TMEM132D: variants seen among roughly 807,000 people sequenced by gnomAD.
The protein encoded by TMEM132D is mature OL transmembrane protein.
Under a neutral mutation model 62.3 loss-of-function variants are expected in TMEM132D, and 21 were observed. That is an observed-to-expected ratio of 0.34 (90% CI 0.24 to 0.49). The LOEUF (loss-of-function observed/expected upper bound fraction) is 0.49, where lower values mean the gene tolerates loss of function less well. Ranked by LOEUF, TMEM132D falls within the 20% of genes least tolerant of loss-of-function variation. The pLI, the probability that TMEM132D is intolerant of heterozygous loss-of-function variation, is 0.99. For synonymous variants in TMEM132D, 621 were observed against 575.6 expected (o/e 1.08, Z -1.13); for missense variants, 1,346 against 1,402.8 (o/e 0.96, Z 0.65).
intron 5 of TMEM132D, among the ~76,000 whole-genome samples, chr12:129,144,095 C>A (rs1876822260): frequency 6.6e-6 from 1 of 152,094 alleles, no homozygotes; most frequent in Non-Finnish European, 1.5e-5. Flanking sequence ...TCCTCCCCCA[C>A]TTCTAGCCCT....
chr12:129,232,558 C>A (rs1402662277), intron 4 of TMEM132D, among the ~76,000 whole-genome samples: 1 of 152,040 alleles, frequency 6.6e-6, no homozygotes, highest in Non-Finnish European at 1.5e-5. Flanking sequence ...CAGAGCATGG[C>A]CTCATAGCTC....
chr12:129,512,014 C>T (rs555692459), intron 3 of TMEM132D, among the ~76,000 whole-genome samples: 28 of 152,282 alleles, frequency 1.8e-4, no homozygotes, highest in Admixed American at 1.8e-3. Flanking sequence ...TGCATGTAAG[C>T]TCTATGAAAT....
At chr12:129,456,317 C>T (rs952671682) in intron 3 of TMEM132D, among the ~76,000 whole-genome samples, 1 of 152,124 alleles carries the variant, frequency 6.6e-6, no homozygotes, top group Non-Finnish European at 1.5e-5. Context: ...CTGTTACCAC[C>T]AATTTTATCA....
At chr12:129,319,980 T>A (rs1198282685) in intron 4 of TMEM132D, among the ~76,000 whole-genome samples, 1 of 152,196 alleles carries the variant, frequency 6.6e-6, no homozygotes, top group African/African-American at 2.4e-5. Flanking sequence ...CAAATTTAAC[T>A]CTCAGGCTCA....
chr12:129,190,076 T>G (rs1593290446), intron 5 of TMEM132D, among the ~76,000 whole-genome samples: 1 of 148,460 alleles, frequency 6.7e-6, no homozygotes, highest in Non-Finnish European at 1.5e-5. Context: ...GGCCTGCAGA[T>G]GGAGGAAGGG....
chr12:129,817,318 G>C (rs1211172615), intron 1 of TMEM132D, among the ~76,000 whole-genome samples: 1 of 152,210 alleles, frequency 6.6e-6, no homozygotes, highest in Non-Finnish European at 1.5e-5. Flanking sequence ...CTGAGCATTT[G>C]ACCAGGTCCA....
chr12:129,130,843 G>A (rs1407766659), intron 5 of TMEM132D, among the ~76,000 whole-genome samples: 3 of 152,142 alleles, frequency 2.0e-5, no homozygotes, highest in Admixed American at 1.3e-4. Flanking sequence ...TGCATGCTTC[G>A]ATGCTGACCA....
In TMEM132D at chr12:129,190,089, T is replaced by C. The variant is rs1435982849; in HGVS notation, c.1443+19431A>G. Among the ~76,000 whole-genome samples the C allele has an allele frequency of 2.8e-5, 3 of 105,648 alleles. 1 individual carries two copies. The highest frequency in any genetic ancestry group is 2.0e-4 in the Admixed American group (2 of 9,780). The allele number at this position is 105,648 out of a possible 152,430, so 69.3% of individuals were successfully genotyped here. On this transcript the variant is annotated intron_variant, in intron 5 of 8. Transcript: ENST00000422113. ...ACGGCCTGCAGATGGAGGAAGGGAGTCTCAGGCTTGCAGATGGAGGGAGGG... is the reference window on the plus strand; with the variant it reads ...ACGGCCTGCAGATGGAGGAAGGGAGCCTCAGGCTTGCAGATGGAGGGAGGG...
intron 3 of TMEM132D, among the ~76,000 whole-genome samples, chr12:129,375,609 G>C (rs1870759759): frequency 6.6e-6 from 1 of 152,160 alleles, no homozygotes; most frequent in Admixed American, 6.5e-5. Context: ...GAGATTTGTG[G>C]AGTAAGTATG....
chr12:129,292,672 T>C (rs1297636296), intron 4 of TMEM132D, among the ~76,000 whole-genome samples: 1 of 152,202 alleles, frequency 6.6e-6, no homozygotes, highest in Non-Finnish European at 1.5e-5. Flanking sequence ...GAAAGTGCAA[T>C]TGATAATATT....
intron 1 of TMEM132D, among the ~76,000 whole-genome samples, chr12:129,805,977 TC>T: frequency 7.8e-6 from 1 of 128,330 alleles, no homozygotes. Context: ...GAAATGCAAA[TC>T]AAAACCACAA....
At chr12:129,705,643 T>A (rs264471) in intron 1 of TMEM132D, among the ~76,000 whole-genome samples, 151,378 of 152,286 alleles carry the variant, frequency 0.99, 75,247 homozygotes, top group Middle Eastern at 1. Context: ...ACACTGAAGC[T>A]TATTATCTGG....
In TMEM132D at chr12:129,439,494, G is replaced by C. The variant is rs893806102; in HGVS notation, c.1115+91565C>G. Among the ~76,000 whole-genome samples the C allele has an allele frequency of 2.6e-5, 4 of 152,056 alleles. No homozygotes were observed. In the South Asian group the frequency reaches 8.4e-4, roughly 32 times the overall value. On this transcript the variant is annotated intron_variant, in intron 3 of 8. Coordinates refer to ENST00000422113, the MANE Select transcript of TMEM132D (RefSeq NM_133448.3). ...AGACGGAATCTCACTCTATTGCCCA[G>C]GTTGGAGTGCAGTGGCATGATCTCA...
At chr12:129,564,114 G>A (rs1877308159) in intron 2 of TMEM132D, among the ~76,000 whole-genome samples, 1 of 152,142 alleles carries the variant, frequency 6.6e-6, no homozygotes. Context: ...GTTGTAGTGA[G>A]CACCTAGCTG....
At chr12:129,538,472 C>A (rs1367425910) in intron 2 of TMEM132D, among the ~76,000 whole-genome samples, 1 of 152,120 alleles carries the variant, frequency 6.6e-6, no homozygotes, top group Non-Finnish European at 1.5e-5. Flanking sequence ...GACAGTAGTC[C>A]CACTCTATCC....
At chr12:129,516,522 C>T (rs986559431) in intron 3 of TMEM132D, among the ~76,000 whole-genome samples, 18 of 152,236 alleles carry the variant, frequency 1.2e-4, no homozygotes, top group South Asian at 8.3e-4. Flanking sequence ...GTGAAAGGGG[C>T]TTCCCCTTAT....
At chr12:129,223,495 G>T (rs376242046) in intron 4 of TMEM132D, among the ~76,000 whole-genome samples, 7 of 152,090 alleles carry the variant, frequency 4.6e-5, no homozygotes, top group African/African-American at 1.7e-4. Flanking sequence ...ACTCTACCTT[G>T]CTGCACTCAA....
At chr12:129,208,422 C>T (rs1195672869) in intron 5 of TMEM132D, among the ~76,000 whole-genome samples, 1 of 152,208 alleles carries the variant, frequency 6.6e-6, no homozygotes, top group African/African-American at 2.4e-5. Context: ...CTGTTGCTTT[C>T]TGACATCTCT....
intron 4 of TMEM132D, among the ~76,000 whole-genome samples, chr12:129,236,511 T>C (rs1321222903): frequency 1.1e-5 from 1 of 88,946 alleles, no homozygotes; most frequent in Non-Finnish European, 1.9e-5. Context: ...TGAGACTCCA[T>C]CTCAAAAAAA....
Sources: gnomAD v4.1 joint callset for allele counts (sites outside exome capture counted in the v4.1 genomes callset) on GRCh38, gnomAD v4.1.1 for gene constraint, MANE v1.5 for transcripts, NCBI Gene and HGNC (gene_info 2026-07-23, HGNC 2026-07-21) for gene names.